NTM: variants seen among roughly 807,000 people sequenced by gnomAD.
The protein encoded by NTM is neurotrimin, also known as IgLON family member 2.
NTM carries 13 observed loss-of-function variants against 42.1 expected under a neutral mutation model. The observed-to-expected ratio is 0.31, with a 90% CI of 0.20 to 0.49. The LOEUF is 0.49. Among genes scored for constraint, NTM ranks in the 20% least tolerant of loss-of-function variants. The probability of loss-of-function intolerance (pLI) is 0.99; values close to 1 mark genes in which losing one functional copy is unlikely to be tolerated. For missense variants in NTM, 373 were observed against 452.8 expected (o/e 0.82, Z 1.60); for synonymous variants, 187 against 179.2 (o/e 1.04, Z -0.35).
intron 1 of NTM, among the ~76,000 whole-genome samples, chr11:131,805,071 G>A (rs979943600): frequency 6.6e-6 from 1 of 152,118 alleles, no homozygotes; most frequent in African/African-American, 2.4e-5. Context: ...TCACTCTCAG[G>A]CATTTTGTTA....
chr11:131,995,904 G>A (rs1043909539), intron 2 of NTM, among the ~76,000 whole-genome samples: 1 of 152,050 alleles, frequency 6.6e-6, no homozygotes, highest in Non-Finnish European at 1.5e-5. Flanking sequence ...CTGAATGAGG[G>A]GTCTGGCATC....
intron 2 of NTM, among the ~76,000 whole-genome samples, chr11:132,042,335 A>G (rs11222883): frequency 0.064 from 9,694 of 152,256 alleles, 364 homozygotes; most frequent in South Asian, 0.17. Flanking sequence ...GGGACTGGAA[A>G]TGCCCAAGGG....
intron 1 of NTM, among the ~76,000 whole-genome samples, chr11:131,375,804 T>C (rs907432162): frequency 6.6e-5 from 10 of 151,768 alleles, no homozygotes; most frequent in Non-Finnish European, 1.5e-4. Context: ...CATGTATGTA[T>C]GTATGTATGT....
chr11:131,387,912 G>C (rs1035712147), intron 1 of NTM, among the ~76,000 whole-genome samples: 5 of 152,198 alleles, frequency 3.3e-5, no homozygotes, highest in African/African-American at 4.8e-5. Flanking sequence ...TGGGAAAAGA[G>C]AAAGGAGTCT....
intron 1 of NTM, among the ~76,000 whole-genome samples, chr11:131,679,810 GCCCTCCCAGTCA>G (rs1362474994): frequency 6.6e-6 from 1 of 152,034 alleles, no homozygotes; most frequent in Non-Finnish European, 1.5e-5. Flanking sequence ...GGTTCTGACG[GCCCTCCCAGTCA>G]CCCTGATGCA....
At chr11:131,593,083 G>A (rs899415470) in intron 1 of NTM, among the ~76,000 whole-genome samples, 4 of 152,184 alleles carry the variant, frequency 2.6e-5, no homozygotes, top group Admixed American at 2.0e-4. Flanking sequence ...GGCAGGAAAT[G>A]TGCTCCAACA....
chr11:131,784,610 G>T (rs2088801038), intron 1 of NTM, among the ~76,000 whole-genome samples: 2 of 152,146 alleles, frequency 1.3e-5, no homozygotes, highest in Non-Finnish European at 1.5e-5. Flanking sequence ...GGGGTTAGGG[G>T]TTGCTGAAAT....
At chr11:132,004,466 A>G (rs949165548) in intron 2 of NTM, among the ~76,000 whole-genome samples, 2 of 152,084 alleles carry the variant, frequency 1.3e-5, no homozygotes, top group African/African-American at 4.8e-5. Context: ...TTGTCTGGTT[A>G]ACTTCCTCAA....
intron 3 of NTM, among the ~76,000 whole-genome samples, chr11:132,210,310 A>G (rs188455240): frequency 1.2e-3 from 189 of 152,332 alleles, no homozygotes; most frequent in African/African-American, 4.3e-3. Flanking sequence ...AACCAGCATC[A>G]GGAGGGTTGA....
At chr11:131,838,345 G>A (rs996020753) in intron 1 of NTM, among the ~76,000 whole-genome samples, 3 of 152,178 alleles carry the variant, frequency 2.0e-5, no homozygotes, top group Non-Finnish European at 2.9e-5. Flanking sequence ...TAGTACAGCC[G>A]AGTGTCCACC....
intron 2 of NTM, among the ~76,000 whole-genome samples, chr11:132,112,996 T>C (rs1455742718): frequency 1.3e-5 from 2 of 152,216 alleles, no homozygotes; most frequent in African/African-American, 2.4e-5. Context: ...CCATCTTTTA[T>C]GTTTTTAGAC....
chr11:131,543,010 C>T lies in NTM; in HGVS notation c.82+172122C>T, dbSNP rs569166959. On this transcript the variant is annotated intron_variant, in intron 1 of 8. Coordinates refer to ENST00000683400, the MANE Select transcript of NTM (RefSeq NM_001352005.2). ...TGTCCCTGGTGCCCCTTCCTCTGGA[C>T]GCCTTCCTTGCCCACATGGTTGCCA... Among the ~76,000 whole-genome samples the T allele has an allele frequency of 4.4e-4, 67 of 152,292 alleles. 1 individual carries two copies. The South Asian group carries it at 0.012, about 27-fold the overall frequency.
chr11:131,815,061 A>G (rs745267), intron 1 of NTM, among the ~76,000 whole-genome samples: 123,303 of 152,032 alleles, frequency 0.81, 50,623 homozygotes, highest in African/African-American at 0.92. Flanking sequence ...TGCAAGCATG[A>G]TCACCTCGCT....
chr11:131,621,079 G>T (rs2137651669), intron 1 of NTM, among the ~76,000 whole-genome samples: 1 of 152,298 alleles, frequency 6.6e-6, no homozygotes, highest in African/African-American at 2.4e-5. Flanking sequence ...GTGAGAGCAG[G>T]AAGAGAATTC....
At chr11:131,954,373 G>A (rs1370612392) in intron 2 of NTM, among the ~76,000 whole-genome samples, 1 of 152,206 alleles carries the variant, frequency 6.6e-6, no homozygotes, top group Non-Finnish European at 1.5e-5. Flanking sequence ...CAGCAGTGAG[G>A]CTGCAGGCCA....
chr11:132,000,893 G>A (rs545006166), intron 2 of NTM, among the ~76,000 whole-genome samples: 37 of 152,290 alleles, frequency 2.4e-4, no homozygotes, highest in African/African-American at 7.2e-4. Flanking sequence ...TTTTACTGGC[G>A]TTTATCTTAC....
intron 1 of NTM, among the ~76,000 whole-genome samples, chr11:131,880,365 A>G (rs2049274278): frequency 6.6e-6 from 1 of 152,188 alleles, no homozygotes; most frequent in Non-Finnish European, 1.5e-5. Flanking sequence ...GAAGGAGAGG[A>G]CTCAAGGGGC....
At chr11:132,036,769 C>T (rs1036676214) in intron 2 of NTM, among the ~76,000 whole-genome samples, 1 of 152,096 alleles carries the variant, frequency 6.6e-6, no homozygotes, top group Non-Finnish European at 1.5e-5. Context: ...TTCTTAACTC[C>T]TTGTTTTTAT....
intron 2 of NTM, among the ~76,000 whole-genome samples, chr11:131,937,892 G>A (rs1022968632): frequency 2.6e-5 from 4 of 152,200 alleles, no homozygotes; most frequent in South Asian, 2.1e-4. Flanking sequence ...TCTTTAGGTT[G>A]CACGTAGCAA....
Sources: allele counts gnomAD v4.1 joint callset (sites outside exome capture counted in the v4.1 genomes callset), GRCh38; gene constraint gnomAD v4.1.1; transcripts MANE v1.5; gene names NCBI Gene and HGNC (gene_info 2026-07-23, HGNC 2026-07-21).